The following UPF2 variants were observed in gnomAD, a reference collection of about 807,000 sequenced individuals.
UPF2 encodes the protein UPF2 regulator of nonsense mediated mRNA decay, also known as regulator of nonsense transcripts 2.
UPF2 carries 17 observed loss-of-function variants against 141.4 expected under a neutral mutation model. The ratio of observed to expected loss-of-function variants is 0.12; its 90% CI spans 0.08 to 0.18. UPF2 has a LOEUF of 0.18. Ranked by LOEUF, UPF2 falls within the 10% of genes least tolerant of loss-of-function variation. The pLI is 1.00. For missense variants in UPF2, 1,152 were observed against 1,515.9 expected (o/e 0.76, Z 3.99); for synonymous variants, 540 against 498.0 (o/e 1.08, Z -1.12).
At chr10:12,002,005 T>C (rs1001117301) in intron 5 of UPF2, among the ~76,000 whole-genome samples, 180 bp from the exon 6 acceptor site, 1 of 152,214 alleles carries the variant, frequency 6.6e-6, no homozygotes, top group Non-Finnish European at 1.5e-5. Context: ...GCATGATGGC[T>C]CACCCCTGTA....
chr10:11,962,626 T>C (rs1164222537), intron 11 of UPF2, among the ~76,000 whole-genome samples: 2 of 152,216 alleles, frequency 1.3e-5, no homozygotes, highest in African/African-American at 4.8e-5. Context: ...TCTCAGCAGT[T>C]ATCGCCTCCA....
At chr10:11,969,178 CTTTT>C (rs1324561506) in intron 9 of UPF2, among the ~76,000 whole-genome samples, 1 of 149,434 alleles carries the variant, frequency 6.7e-6, no homozygotes, top group Non-Finnish European at 1.5e-5. Flanking sequence ...TTTTTTTTTT[CTTTT>C]TTTGAGACAG....
intron 9 of UPF2, 99 bp downstream of exon 9, chr10:11,978,957 CA>C: frequency 1.0e-6 from 1 of 1,001,086 alleles, no homozygotes; most frequent in Non-Finnish European, 1.5e-6. Flanking sequence ...ATACCACTAT[CA>C]AATTTCAAGA....
intron 10 of UPF2, 98 bp from the exon 11 acceptor site, chr10:11,964,223 C>A (rs768303428): frequency 2.5e-6 from 2 of 797,426 alleles, no homozygotes; most frequent in African/African-American, 1.8e-5. Context: ...ACTTGGAAAA[C>A]GTAAAAAACA....
intron 3 of UPF2, among the ~76,000 whole-genome samples, chr10:12,027,437 C>T (rs955255775): frequency 6.6e-6 from 1 of 152,134 alleles, no homozygotes; most frequent in African/African-American, 2.4e-5. Context: ...GTAGGATGTA[C>T]GAGCAAAGGA....
Position 12,008,862 on chromosome 10 carries a change from G to A in UPF2, c.1307-4135C>T, listed in dbSNP as rs11257476. Among the ~76,000 whole-genome samples the A allele has an allele frequency of 1.0e-3, 158 of 152,022 alleles. 1 individual carries two copies. The Middle Eastern group carries it at 0.037, about 36-fold the overall frequency. On this transcript the variant is annotated intron_variant, in intron 4 of 21. Coordinates refer to ENST00000357604, the MANE Select transcript of UPF2 (RefSeq NM_015542.4). Reference sequence around the variant, plus strand: ...TCCCCTTACCCCCAACCTCCCAACAGGCCCCAGTGTGTGTTGTTCCCCTCC... The same window carrying A: ...TCCCCTTACCCCCAACCTCCCAACAAGCCCCAGTGTGTGTTGTTCCCCTCC...
At chr10:12,007,287 C>A (rs1488656669) in intron 4 of UPF2, among the ~76,000 whole-genome samples, 1 of 152,124 alleles carries the variant, frequency 6.6e-6, no homozygotes, top group Non-Finnish European at 1.5e-5. Context: ...AGTCTGGACA[C>A]ATTACTATCA....
At chr10:12,030,992 G>C (rs1234772657) in intron 2 of UPF2, among the ~76,000 whole-genome samples, 1 of 151,412 alleles carries the variant, frequency 6.6e-6, no homozygotes, top group African/African-American at 2.4e-5. Context: ...GGCTAACACA[G>C]TGAAACCCCG....
intron 10 of UPF2, among the ~76,000 whole-genome samples, chr10:11,966,719 C>G (rs964717997): frequency 1.3e-5 from 2 of 152,338 alleles, no homozygotes; most frequent in African/African-American, 2.4e-5. Context: ...CCACCACGCC[C>G]AGCCCTTCAT....
In UPF2 at chr10:12,027,994, C is replaced by A. The variant is rs181817192; in HGVS notation, c.1145+751G>T. Among the ~76,000 whole-genome samples, 25 of 152,298 alleles carry A rather than the reference C, an allele frequency of 1.6e-4. No homozygotes were observed. In the East Asian group the frequency reaches 4.6e-3, roughly 28 times the overall value. On this transcript the variant is annotated intron_variant, in intron 3 of 21. Transcript: ENST00000357604. The stretch of plus-strand genomic sequence containing the variant: ...CCTCTTTGCTACACTCCCTCAGCCC[C>A]CCTCCAAATCCATCCTCCATAGAAA...
intron 21 of UPF2, among the ~76,000 whole-genome samples, chr10:11,922,001 T>C (rs1564331671): frequency 6.6e-6 from 1 of 152,200 alleles, no homozygotes; most frequent in Non-Finnish European, 1.5e-5. Flanking sequence ...TAATCCCATA[T>C]GACTGCATCT....
At chr10:12,038,265 C>A (rs1834668343) in intron 1 of UPF2, among the ~76,000 whole-genome samples, 1 of 151,724 alleles carries the variant, frequency 6.6e-6, no homozygotes, top group Admixed American at 6.6e-5. Flanking sequence ...CGCCTGTAAT[C>A]CCAGCTACTG....
In UPF2 at chr10:12,042,086, G is replaced by C. The variant is rs1372539936; in HGVS notation, c.-19+669C>G. On this transcript the variant is annotated intron_variant, in intron 1 of 21. Transcript: ENST00000357604. The surrounding 1 kb of genome is among the most constrained non-coding windows in gnomAD (Gnocchi z 5.5). ...AACCAGCCTATGTGATTAAAAGGAA[G>C]TCAACCAAACAGCCCATGCCCACCA... Among the ~76,000 whole-genome samples, 1 of 152,026 alleles carries C rather than the reference G, an allele frequency of 6.6e-6. No individual in the cohort carries two copies. The highest frequency in any genetic ancestry group is 6.6e-5 in the Admixed American group (1 of 15,244).
chr10:11,964,169 A>G (rs563953172), intron 10 of UPF2, 44 bp from the exon 11 acceptor site: 82 of 1,401,810 alleles, frequency 5.8e-5, no homozygotes, highest in Non-Finnish European at 8.0e-5. Context: ...CAACTCTTCA[A>G]TCCTAGTAGA....
intron 8 of UPF2, among the ~76,000 whole-genome samples, chr10:11,985,780 T>C (rs939552827): frequency 2.6e-5 from 4 of 151,254 alleles, no homozygotes; most frequent in South Asian, 4.2e-4. Flanking sequence ...TAACACAAAA[T>C]AAAATATTTT....
intron 10 of UPF2, among the ~76,000 whole-genome samples, chr10:11,967,107 TA>T (rs2131206250): frequency 6.6e-6 from 1 of 152,378 alleles, no homozygotes; most frequent in African/African-American, 2.4e-5. Flanking sequence ...TTAAGGCTTT[TA>T]CTTGACATAT....
Position 11,930,182 on chromosome 10 carries a change from C to T in UPF2, c.3689-197G>A, listed in dbSNP as rs77821486. 1.6e-3 allele frequency among the ~76,000 whole-genome samples: 242 copies of T among 152,256 alleles called. 5 individuals carry two copies. The East Asian group carries it at 0.037, about 24-fold the overall frequency. On this transcript the variant is annotated intron_variant, in intron 20 of 21. Coordinates refer to ENST00000357604, the MANE Select transcript of UPF2 (RefSeq NM_015542.4). ...ATCAAGAGAGGAGACTCTTTTAATA[C>T]CCAATGTTCCCTTTACTATGAATCT...
intron 10 of UPF2, among the ~76,000 whole-genome samples, chr10:11,964,675 T>C (rs1467260316): frequency 1.3e-5 from 2 of 152,244 alleles, no homozygotes; most frequent in African/African-American, 4.8e-5. Flanking sequence ...TTTGTCCTTC[T>C]ATGGCATGAT....
intron 3 of UPF2, among the ~76,000 whole-genome samples, chr10:12,021,379 A>AAAAAAAAAAT (rs112914825): frequency 1.4e-5 from 2 of 147,146 alleles, no homozygotes; most frequent in African/African-American, 2.5e-5. Flanking sequence ...AAAAAAAAAA[A>AAAAAAAAAAT]TTTTTTTAAA....
Sources: allele counts gnomAD v4.1 joint callset (sites outside exome capture counted in the v4.1 genomes callset), GRCh38; gene constraint gnomAD v4.1.1; non-coding constraint Gnocchi (gnomAD v3.1); transcripts MANE v1.5; gene names NCBI Gene and HGNC (gene_info 2026-07-23, HGNC 2026-07-21).